The following CLTA variants were observed in gnomAD, a reference collection of about 807,000 sequenced individuals.
CLTA encodes the protein clathrin, light polypeptide (Lca).
CLTA carries 9 observed loss-of-function variants against 26.9 expected under a neutral mutation model. The observed-to-expected ratio is 0.33, with a 90% CI of 0.20 to 0.58. The LOEUF is 0.58. CLTA is among the 20% of genes least tolerant of loss of function. CLTA has a pLI of 0.85. For synonymous variants in CLTA, 120 were observed against 115.5 expected (o/e 1.04, Z -0.25); for missense variants, 278 against 294.2 (o/e 0.94, Z 0.40).
intron 1 of CLTA, among the ~76,000 whole-genome samples, chr9:36,192,943 T>C (rs1219943332): frequency 6.6e-6 from 1 of 152,228 alleles, no homozygotes; most frequent in Non-Finnish European, 1.5e-5. Flanking sequence ...TACTGTTTTA[T>C]CTCCACTGCC....
intron 4 of CLTA, among the ~76,000 whole-genome samples, chr9:36,205,573 C>T: frequency 6.6e-6 from 1 of 152,170 alleles, no homozygotes; most frequent in African/African-American, 2.4e-5. Context: ...TGCCGACCCT[C>T]CCCGCTCTGG....
chr9:36,211,953 G>C lies in CLTA; in HGVS notation c.*179G>C. ...TCAACTGTGTTCTCCCTGGCATTCA[G>C]AGAGGAGGGAGAGGAGGAAGAGGAA... is the stretch of plus-strand genomic sequence containing the variant. On this transcript the variant is annotated 3_prime_UTR_variant, in exon 5 of 5. Transcript: ENST00000345519. 1 of 701,296 alleles carries C rather than the reference G, an allele frequency of 1.4e-6. No individual in the cohort carries two copies. The highest frequency in any genetic ancestry group is 2.5e-6 in the Non-Finnish European group (1 of 394,724). 43.4% of individuals were successfully genotyped at this position (701,296 alleles called of 1,614,324 possible). A position where few individuals can be genotyped will look rare whatever the true frequency, so the allele number is the denominator to read the frequency against.
At chr9:36,191,886 T>C (rs866268478) in intron 1 of CLTA, among the ~76,000 whole-genome samples, 4 of 152,192 alleles carry the variant, frequency 2.6e-5, no homozygotes, top group Non-Finnish European at 4.4e-5. Context: ...GATTTACAGC[T>C]AGGACTTCTG....
chr9:36,202,208 A>G (rs1827456217), intron 3 of CLTA, among the ~76,000 whole-genome samples: 1 of 152,198 alleles, frequency 6.6e-6, no homozygotes, highest in African/African-American at 2.4e-5. Context: ...CTTCCGACAA[A>G]TTAGATACCG....
At chr9:36,198,749 T>C (rs1339019133) in intron 2 of CLTA, among the ~76,000 whole-genome samples, 1 of 144,142 alleles carries the variant, frequency 6.9e-6, no homozygotes, top group Non-Finnish European at 1.5e-5. Context: ...CGCAGGCACC[T>C]GTAATCTCAG....
chr9:36,209,802 G>C lies in CLTA; in HGVS notation c.486-1801G>C, dbSNP rs528780801. ...CTGTGGGGCAGCATTTTCCATACTT[G>C]GTTCATTCAAACAATGTGGGGTCGT... is the stretch of plus-strand genomic sequence containing the variant. On this transcript the variant is annotated intron_variant, in intron 4 of 4. Transcript: ENST00000345519. 2.6e-5 allele frequency among the ~76,000 whole-genome samples: 4 copies of C among 152,292 alleles called. 1 individual carries two copies. The highest frequency in any genetic ancestry group is 9.6e-5 in the African/African-American group (4 of 41,562).
At chr9:36,200,070 G>A (rs1249228438) in intron 3 of CLTA, among the ~76,000 whole-genome samples, 1 of 152,224 alleles carries the variant, frequency 6.6e-6, no homozygotes, top group African/African-American at 2.4e-5. Flanking sequence ...ATAAAGAGAT[G>A]TGTACGTGGA....
At chr9:36,211,418 C>G (rs1049169661) in intron 4 of CLTA, 185 bp from the exon 5 acceptor site, 3 of 218,008 alleles carry the variant, frequency 1.4e-5, no homozygotes, top group Non-Finnish European at 2.3e-5. Context: ...GTCTGGGCAC[C>G]CTGTGCCTAG....
intron 3 of CLTA, among the ~76,000 whole-genome samples, 190 bp downstream of exon 3, chr9:36,199,286 AG>A (rs1288969784): frequency 6.6e-6 from 1 of 152,142 alleles, no homozygotes; most frequent in Non-Finnish European, 1.5e-5. Context: ...TGTGAGGAGT[AG>A]GGTAGCCGGA....
At chr9:36,209,741 A>G (rs1399151466) in intron 4 of CLTA, among the ~76,000 whole-genome samples, 1 of 152,182 alleles carries the variant, frequency 6.6e-6, no homozygotes, top group Non-Finnish European at 1.5e-5. Context: ...GTTAGGAGCC[A>G]GTGAGCAGCA....
At chr9:36,197,319 TAAAATC>T (rs1345333378) in intron 1 of CLTA, among the ~76,000 whole-genome samples, 1 of 151,990 alleles carries the variant, frequency 6.6e-6, no homozygotes, top group South Asian at 2.1e-4. Flanking sequence ...AAACAGAAAA[TAAAATC>T]AAAAGCTTTT....
intron 1 of CLTA, among the ~76,000 whole-genome samples, chr9:36,196,378 G>A (rs1374261168): frequency 7.4e-5 from 10 of 135,780 alleles, no homozygotes; most frequent in African/African-American, 2.8e-4. Context: ...ATGGAGTCTC[G>A]CTCCGTCACC....
chr9:36,192,764 C>G (rs781350650), intron 1 of CLTA, among the ~76,000 whole-genome samples: 3 of 152,206 alleles, frequency 2.0e-5, no homozygotes, highest in Non-Finnish European at 4.4e-5. Context: ...CAAGTCTACC[C>G]ACTCTTAGAA....
In CLTA at chr9:36,211,987, A is replaced by T; in HGVS notation, c.*213A>T. ...GAGAGGAGGAAGAGGAAGGGGAGGG[A>T]AGCTTCCCAAGAGTAGCCTCAACCT... On this transcript the variant is annotated 3_prime_UTR_variant, in exon 5 of 5. Coordinates refer to ENST00000345519, the MANE Select transcript of CLTA (RefSeq NM_001833.4). 1 of 687,880 alleles carries T rather than the reference A, an allele frequency of 1.5e-6. No individual in the cohort carries two copies. 42.6% of individuals were successfully genotyped at this position (687,880 alleles called of 1,614,324 possible).
Position 36,191,215 on chromosome 9 carries a change from C to T in CLTA, c.159C>T (p.Ala53=). Residue 53 remains alanine, a synonymous_variant, in exon 1 of 5, where the codon GCC becomes GCT. Transcript: ENST00000345519. ...IAGIENDEAF[A]ILDGGAPGPQ... Reference sequence around the variant, plus strand: ...GCATCGAGAACGACGAGGCCTTCGCCATCCTGGACGGCGGCGCCCCCGGGC... The same window carrying T: ...GCATCGAGAACGACGAGGCCTTCGCTATCCTGGACGGCGGCGCCCCCGGGC... 1 of 1,558,308 alleles carries T rather than the reference C, an allele frequency of 6.4e-7. No homozygotes were observed. The highest frequency in any genetic ancestry group is 1.2e-5 in the South Asian group (1 of 85,626).
intron 1 of CLTA, 92 bp downstream of exon 1, chr9:36,191,365 G>C (rs1587191365): frequency 1.5e-6 from 2 of 1,358,324 alleles, no homozygotes; most frequent in Non-Finnish European, 9.6e-7. Context: ...CGTGCTCCTT[G>C]CTGAATTAGG....
At chr9:36,197,440 A>G in intron 1 of CLTA, 111 bp from the exon 2 acceptor site, 2 of 683,194 alleles carry the variant, frequency 2.9e-6, no homozygotes, top group South Asian at 2.1e-5. Flanking sequence ...CAGGGATAGC[A>G]TTTAGTAGCT....
At chr9:36,209,873 T>G (rs1437855516) in intron 4 of CLTA, among the ~76,000 whole-genome samples, 1 of 152,224 alleles carries the variant, frequency 6.6e-6, no homozygotes, top group Non-Finnish European at 1.5e-5. Flanking sequence ...GGGGGTTGTC[T>G]CCAGTGGGTG....
At chr9:36,193,298 CTT>C (rs1319769745) in intron 1 of CLTA, among the ~76,000 whole-genome samples, 1 of 150,014 alleles carries the variant, frequency 6.7e-6, no homozygotes, top group African/African-American at 2.5e-5. Flanking sequence ...CTTTTTCTCT[CTT>C]AGTTTTCTTT....
Sources: gnomAD v4.1 joint callset for allele counts (sites outside exome capture counted in the v4.1 genomes callset) on GRCh38, gnomAD v4.1.1 for gene constraint, MANE v1.5 for transcripts, NCBI Gene and HGNC (gene_info 2026-07-23, HGNC 2026-07-21) for gene names.